Variants in FAM124A observed in about 807,000 individuals in gnomAD.
The protein encoded by FAM124A is family with sequence similarity 124 member A.
A neutral mutation model predicts 24.5 loss-of-function variants in FAM124A; 23 were observed. That is an observed-to-expected ratio of 0.94 (90% confidence interval 0.68 to 1.33). FAM124A has a LOEUF of 1.33. Ranked by LOEUF, FAM124A falls within the 40% of genes most tolerant of loss-of-function variation. The probability of loss-of-function intolerance (pLI) is 0.00; values close to 1 mark genes in which losing one functional copy is unlikely to be tolerated. For missense variants in FAM124A, 623 were observed against 722.8 expected, an observed-to-expected ratio of 0.86 and a Z score of 1.58; for synonymous variants, 287 against 314.7, an observed-to-expected ratio of 0.91 and a Z score of 0.93.
chr13:51,224,521 T>TA (rs1341407514), intron 1 of FAM124A, among the ~76,000 whole-genome samples: 1 of 152,140 alleles, frequency 6.6e-6, no homozygotes, highest in Non-Finnish European at 1.5e-5. Flanking sequence ...AAGCTAAAGG[T>TA]AAAATAGCAT....
Position 51,246,148 on chromosome 13 carries a change from C to T in FAM124A, c.101-5320C>T. Among the ~76,000 whole-genome samples, 2 of 152,192 alleles carry T rather than the reference C, an allele frequency of 1.3e-5. 1 individual carries two copies. The highest frequency in any genetic ancestry group is 6.3e-3 in the Middle Eastern group (2 of 316). On this transcript the variant is annotated intron_variant, in intron 2 of 3. Coordinates refer to ENST00000322475, the MANE Select transcript of FAM124A (RefSeq NM_001242312.2). ...TAGCAGCTCCCATCCTCCCACCAGC[C>T]TTGGGGCAGTCTGTGCCACTGCTCT... is the stretch of plus-strand genomic sequence containing the variant.
At chr13:51,266,777 T>C (rs955378049) in intron 3 of FAM124A, among the ~76,000 whole-genome samples, 13 of 152,234 alleles carry the variant, frequency 8.5e-5, no homozygotes, top group Non-Finnish European at 1.8e-4. Context: ...AGAAAAGTCC[T>C]GCCACAGCAT....
At chr13:51,265,142 G>A (rs956112137) in intron 3 of FAM124A, among the ~76,000 whole-genome samples, 7 of 152,214 alleles carry the variant, frequency 4.6e-5, no homozygotes, top group African/African-American at 1.4e-4. Context: ...ATGGCACACA[G>A]CTGGAGGAGC....
At chr13:51,279,806 A>G (rs1377351183) in intron 3 of FAM124A, among the ~76,000 whole-genome samples, 1 of 152,236 alleles carries the variant, frequency 6.6e-6, no homozygotes, top group Non-Finnish European at 1.5e-5. Flanking sequence ...TAACGTATAT[A>G]GAGGAATCAG....
Position 51,236,242 on chromosome 13 carries a change from C to T in FAM124A, c.100+4863C>T, listed in dbSNP as rs1002682017. 4.6e-5 allele frequency among the ~76,000 whole-genome samples: 7 copies of T among 152,318 alleles called. No homozygotes were observed. In the South Asian group the frequency reaches 1.5e-3, roughly 32 times the overall value. ...GAAGTCCAGGTGTCTTGGTTAATTA[C>T]AAGCCGTTATAGCTGGTCTAGAGCC... On this transcript the variant is annotated intron_variant, in intron 2 of 3. Coordinates refer to ENST00000322475, the MANE Select transcript of FAM124A (RefSeq NM_001242312.2).
intron 3 of FAM124A, among the ~76,000 whole-genome samples, chr13:51,264,362 G>A (rs1014021569): frequency 1.3e-5 from 2 of 152,064 alleles, no homozygotes; most frequent in African/African-American, 4.8e-5. Flanking sequence ...GTACATCCTC[G>A]GAAACTCAAA....
intron 2 of FAM124A, among the ~76,000 whole-genome samples, chr13:51,234,203 G>C (rs1354505342): frequency 6.6e-6 from 1 of 152,174 alleles, no homozygotes; most frequent in African/African-American, 2.4e-5. Context: ...TTCACGTGAT[G>C]CTCCTTTACC....
intron 3 of FAM124A, among the ~76,000 whole-genome samples, chr13:51,255,705 A>G (rs558086639): frequency 3.9e-5 from 6 of 151,952 alleles, no homozygotes; most frequent in African/African-American, 1.5e-4. Context: ...GGGGACTCAC[A>G]AGGCTTTCTT....
At chr13:51,245,311 G>T in intron 2 of FAM124A, 1 of 672,242 alleles carries the variant, frequency 1.5e-6, no homozygotes. Flanking sequence ...TTATTATGCA[G>T]ATGGATTCTC....
At chr13:51,225,660 C>T (rs947724587) in intron 1 of FAM124A, among the ~76,000 whole-genome samples, 4 of 152,046 alleles carry the variant, frequency 2.6e-5, no homozygotes, top group South Asian at 2.1e-4. Context: ...AGATGAGGAA[C>T]GCTAAATGTC....
chr13:51,235,854 A>G (rs1158962286), intron 2 of FAM124A, among the ~76,000 whole-genome samples: 3 of 152,218 alleles, frequency 2.0e-5, no homozygotes, highest in Admixed American at 6.5e-5. Flanking sequence ...AGTCAGGGAG[A>G]AAAGGCCACC....
intron 2 of FAM124A, among the ~76,000 whole-genome samples, chr13:51,247,343 G>T (rs551741076): frequency 7.9e-5 from 12 of 152,302 alleles, no homozygotes; most frequent in African/African-American, 2.9e-4. Context: ...CTCATACTCT[G>T]TGTGACCTTG....
chr13:51,278,424 C>T (rs1954905161), intron 3 of FAM124A, among the ~76,000 whole-genome samples: 1 of 152,182 alleles, frequency 6.6e-6, no homozygotes, highest in Admixed American at 6.5e-5. Context: ...TTAAATCCAA[C>T]AAGACCCCAC....
At position 51,280,749 on chromosome 13, in the gene FAM124A, A is replaced by G. The variant is rs1450997740; in HGVS notation, c.1134A>G (p.Glu378=). The G allele has an allele frequency of 6.2e-7, 1 of 1,614,150 alleles. No homozygotes were observed. The highest frequency in any genetic ancestry group is 1.1e-5 in the South Asian group (1 of 91,084). ...TGGPSLASSA[E]PQWFSNTGAP... is the part of the protein sequence containing the mutation. Reference sequence around the variant, plus strand: ...GCCCCTCCCTGGCCTCCTCAGCTGAACCACAGTGGTTTTCAAACACAGGTG... The same window carrying G: ...GCCCCTCCCTGGCCTCCTCAGCTGAGCCACAGTGGTTTTCAAACACAGGTG... The change falls in exon 4 of 4, where the codon GAA becomes GAG. Residue 378 remains glutamate, a synonymous_variant. Transcript: ENST00000322475.
intron 3 of FAM124A, among the ~76,000 whole-genome samples, chr13:51,279,925 A>G (rs957930689): frequency 6.6e-6 from 1 of 152,184 alleles, no homozygotes; most frequent in Non-Finnish European, 1.5e-5. Flanking sequence ...TGTCCTGGCT[A>G]TCATGCATAT....
chr13:51,222,735 C>G (rs570380200), intron 1 of FAM124A, among the ~76,000 whole-genome samples, 166 bp downstream of exon 1: 1 of 152,208 alleles, frequency 6.6e-6, no homozygotes, highest in South Asian at 2.1e-4. Context: ...CTGCCCTGGG[C>G]AGGGCGGGCA....
intron 3 of FAM124A, among the ~76,000 whole-genome samples, chr13:51,268,328 G>T (rs1296048323): frequency 6.6e-6 from 1 of 152,214 alleles, no homozygotes; most frequent in Non-Finnish European, 1.5e-5. Context: ...CAGGACCAAG[G>T]AGGAAGTTTC....
At chr13:51,233,912 A>T (rs729484) in intron 2 of FAM124A, among the ~76,000 whole-genome samples, 2 of 152,046 alleles carry the variant, frequency 1.3e-5, no homozygotes, top group African/African-American at 4.8e-5. Context: ...TGATTTAGTT[A>T]CAGGGCCTCT....
At chr13:51,276,985 C>T (rs1015216041) in intron 3 of FAM124A, among the ~76,000 whole-genome samples, 4 of 152,090 alleles carry the variant, frequency 2.6e-5, no homozygotes, top group Non-Finnish European at 4.4e-5. Context: ...CCTTTACTAG[C>T]GATTTAAGAA....
Sources: allele counts gnomAD v4.1 joint callset (sites outside exome capture counted in the v4.1 genomes callset), GRCh38; gene constraint gnomAD v4.1.1; transcripts MANE v1.5; gene names NCBI Gene and HGNC (gene_info 2026-07-23, HGNC 2026-07-21).